The following PPM1L variants were observed in gnomAD, a reference collection of about 807,000 sequenced individuals.
PPM1L encodes protein phosphatase 1L.
PPM1L carries 13 observed loss-of-function variants against 31.4 expected under a neutral mutation model. The ratio of observed to expected loss-of-function variants is 0.41; its 90% CI spans 0.27 to 0.66. PPM1L has a LOEUF of 0.66. PPM1L is among the 30% of genes least tolerant of loss of function. PPM1L has a pLI of 0.29. For missense variants in PPM1L, 326 were observed against 453.7 expected, an observed-to-expected ratio of 0.72 and a Z score of 2.56; for synonymous variants, 184 against 175.4, an observed-to-expected ratio of 1.05 and a Z score of -0.39.
intron 2 of PPM1L, among the ~76,000 whole-genome samples, chr3:160,965,681 C>T (rs1415813242): frequency 6.6e-6 from 1 of 152,110 alleles, no homozygotes; most frequent in African/African-American, 2.4e-5. Flanking sequence ...AGCATCTGCA[C>T]TAACATGCTC....
At chr3:160,787,604 C>G (rs1343693541) in intron 1 of PPM1L, among the ~76,000 whole-genome samples, 2 of 152,000 alleles carry the variant, frequency 1.3e-5, no homozygotes, top group Non-Finnish European at 2.9e-5. Flanking sequence ...TTTAGTTTAA[C>G]TAGGTCCCAT....
At chr3:160,776,072 T>C (rs1002381955) in intron 1 of PPM1L, among the ~76,000 whole-genome samples, 1 of 152,198 alleles carries the variant, frequency 6.6e-6, no homozygotes, top group African/African-American at 2.4e-5. Context: ...ATCTAATATC[T>C]CTCTCACTTT....
intron 1 of PPM1L, among the ~76,000 whole-genome samples, chr3:160,843,278 G>A (rs115996966): frequency 0.011 from 1,651 of 151,212 alleles, 25 homozygotes; most frequent in African/African-American, 0.038. Flanking sequence ...GAGAAACATA[G>A]TATAGTGTAA....
intron 2 of PPM1L, among the ~76,000 whole-genome samples, chr3:161,030,890 T>C (rs1718545680): frequency 6.6e-6 from 1 of 152,108 alleles, no homozygotes; most frequent in South Asian, 2.1e-4. Context: ...TTTGGTATAC[T>C]CCACCAGACC....
At chr3:161,033,813 A>T (rs546692704) in intron 2 of PPM1L, among the ~76,000 whole-genome samples, 3 of 152,344 alleles carry the variant, frequency 2.0e-5, no homozygotes, top group Admixed American at 6.5e-5. Flanking sequence ...CACCAAAAGC[A>T]ATGGCAACAA....
At chr3:160,766,551 C>T (rs1715105808) in intron 1 of PPM1L, among the ~76,000 whole-genome samples, 1 of 152,112 alleles carries the variant, frequency 6.6e-6, no homozygotes, top group African/African-American at 2.4e-5. Context: ...AGATGATTTC[C>T]ACTATGATTG....
At chr3:161,029,148 A>G (rs1389388386) in intron 2 of PPM1L, among the ~76,000 whole-genome samples, 1 of 152,224 alleles carries the variant, frequency 6.6e-6, no homozygotes, top group Non-Finnish European at 1.5e-5. Flanking sequence ...AAGGGCAGAT[A>G]TGGATTTGAA....
intron 1 of PPM1L, among the ~76,000 whole-genome samples, chr3:160,782,777 A>G (rs1338384249): frequency 6.6e-6 from 1 of 152,224 alleles, no homozygotes. Context: ...AAGTAAAAAA[A>G]GAGTTCTTTG....
intron 1 of PPM1L, among the ~76,000 whole-genome samples, chr3:160,955,003 CTCTT>C (rs1715723345): frequency 7.3e-6 from 1 of 137,002 alleles, no homozygotes; most frequent in Non-Finnish European, 1.6e-5. Flanking sequence ...CCCTCCCTCT[CTCTT>C]TCTTTCTCTC....
chr3:160,867,853 C>T (rs2108026981), intron 1 of PPM1L, among the ~76,000 whole-genome samples: 1 of 152,150 alleles, frequency 6.6e-6, no homozygotes, highest in South Asian at 2.1e-4. Context: ...AGCTGAATTC[C>T]AGGACAGACT....
intron 2 of PPM1L, among the ~76,000 whole-genome samples, chr3:161,020,488 T>C (rs1718209812): frequency 6.6e-6 from 1 of 152,198 alleles, no homozygotes; most frequent in African/African-American, 2.4e-5. Flanking sequence ...CCTTAAATAG[T>C]TGCTAAACCT....
Position 160,798,833 on chromosome 3 carries a change from G to A in PPM1L, c.399+42126G>A, listed in dbSNP as rs117469949. The stretch of plus-strand genomic sequence containing the variant: ...GATAGTGATTCCTCTGATGGATCTG[G>A]GCAAAGCACATTGAAAAACTTCTGG... On this transcript the variant is annotated intron_variant, in intron 1 of 3. Transcript: ENST00000498165. 7.9e-5 allele frequency among the ~76,000 whole-genome samples: 12 copies of A among 152,230 alleles called. No homozygotes were observed. In the East Asian group the frequency reaches 2.3e-3, roughly 29 times the overall value.
chr3:160,998,055 A>G (rs1036362619), intron 2 of PPM1L, among the ~76,000 whole-genome samples: 14 of 152,206 alleles, frequency 9.2e-5, no homozygotes, highest in African/African-American at 3.1e-4. Context: ...GGAAAATAAT[A>G]TAGAACTAAA....
chr3:160,849,416 TTTC>T (rs1159176668), intron 1 of PPM1L, among the ~76,000 whole-genome samples: 1 of 148,316 alleles, frequency 6.7e-6, no homozygotes, highest in Non-Finnish European at 1.5e-5. Context: ...TCTTTCTTTC[TTTC>T]TTTTTTTTTT....
chr3:160,833,965 G>A (rs1442095074), intron 1 of PPM1L, among the ~76,000 whole-genome samples: 4 of 151,558 alleles, frequency 2.6e-5, no homozygotes, highest in Non-Finnish European at 5.9e-5. Context: ...GTGTAAGGAA[G>A]GGGTCCAGTG....
At chr3:160,994,322 GCATGGC>G (rs1422187538) in intron 2 of PPM1L, among the ~76,000 whole-genome samples, 1 of 152,126 alleles carries the variant, frequency 6.6e-6, no homozygotes. Flanking sequence ...CAGGATATCT[GCATGGC>G]CCAGTGGCAG....
At chr3:161,032,431 A>G (rs886825198) in intron 2 of PPM1L, among the ~76,000 whole-genome samples, 5 of 152,236 alleles carry the variant, frequency 3.3e-5, no homozygotes, top group Non-Finnish European at 5.9e-5. Flanking sequence ...ACTTACATAT[A>G]TAACTCCTAC....
At chr3:160,847,339 A>G (rs1006694351) in intron 1 of PPM1L, among the ~76,000 whole-genome samples, 10 of 152,230 alleles carry the variant, frequency 6.6e-5, no homozygotes, top group Non-Finnish European at 1.2e-4. Context: ...ACATTGCTTA[A>G]TGTAAAAAAT....
At chr3:160,997,785 A>T (rs1023750295) in intron 2 of PPM1L, among the ~76,000 whole-genome samples, 1 of 152,206 alleles carries the variant, frequency 6.6e-6, no homozygotes, top group Non-Finnish European at 1.5e-5. Flanking sequence ...AAGCACATAT[A>T]GTCTGCAGTT....
Sources: gnomAD v4.1 joint callset for allele counts (sites outside exome capture counted in the v4.1 genomes callset) on GRCh38, gnomAD v4.1.1 for gene constraint, MANE v1.5 for transcripts, NCBI Gene and HGNC (gene_info 2026-07-23, HGNC 2026-07-21) for gene names.